The following PLPPR1 variants were observed in gnomAD, a reference collection of about 807,000 sequenced individuals.
PLPPR1 encodes the protein phospholipid phosphatase related 1.
In PLPPR1, 10 loss-of-function variants were observed where a neutral mutation model predicts 33.1. The ratio of observed to expected loss-of-function variants is 0.30; its 90% CI spans 0.19 to 0.51. The LOEUF (loss-of-function observed/expected upper bound fraction) is 0.51, where lower values mean the gene tolerates loss of function less well. Ranked by LOEUF, PLPPR1 falls within the 20% of genes least tolerant of loss-of-function variation. The pLI is 0.97. For synonymous variants in PLPPR1, 151 were observed against 151.0 expected (o/e 1.00, Z 0.00); for missense variants, 304 against 408.1 (o/e 0.74, Z 2.20).
intron 2 of PLPPR1, among the ~76,000 whole-genome samples, chr9:101,226,948 G>A (rs1262955872): frequency 1.3e-5 from 2 of 152,104 alleles, no homozygotes; most frequent in African/African-American, 2.4e-5. Context: ...CTTCTGTGAG[G>A]TAGCGGAACC....
At position 101,287,764 on chromosome 9, in the gene PLPPR1, G is replaced by C. The variant is rs952889714; in HGVS notation, c.385+1528G>C. On this transcript the variant is annotated intron_variant, in intron 4 of 7. Transcript: ENST00000374874. Reference sequence around the variant, plus strand: ...GATCCACCTGCCTCAGCCTCCCAAAGTGCTGGGATTACAGACATGAGCCAC... The same window carrying C: ...GATCCACCTGCCTCAGCCTCCCAAACTGCTGGGATTACAGACATGAGCCAC... Among the ~76,000 whole-genome samples, 8 of 152,134 alleles carry C rather than the reference G, an allele frequency of 5.3e-5. No homozygotes were observed. In the South Asian group the frequency reaches 1.7e-3, roughly 32 times the overall value.
chr9:101,165,368 A>G (rs1825840177), intron 1 of PLPPR1, among the ~76,000 whole-genome samples: 1 of 152,134 alleles, frequency 6.6e-6, no homozygotes, highest in Non-Finnish European at 1.5e-5. Flanking sequence ...TGAATGATTG[A>G]CTGAGTTGAA....
intron 1 of PLPPR1, among the ~76,000 whole-genome samples, chr9:101,097,820 G>C (rs1021669557): frequency 1.3e-5 from 2 of 152,168 alleles, no homozygotes; most frequent in African/African-American, 4.8e-5. Context: ...GCCAGGAAGA[G>C]GTAGGTGGGG....
At chr9:101,059,427 C>T (rs1440843464) in intron 1 of PLPPR1, among the ~76,000 whole-genome samples, 1 of 151,976 alleles carries the variant, frequency 6.6e-6, no homozygotes, top group Non-Finnish European at 1.5e-5. Flanking sequence ...GGTAATTCAC[C>T]AGCCACCTGT....
chr9:101,052,514 A>G (rs1444605465), intron 1 of PLPPR1, among the ~76,000 whole-genome samples: 1 of 152,188 alleles, frequency 6.6e-6, no homozygotes, highest in African/African-American at 2.4e-5. Flanking sequence ...AAGGGCATCT[A>G]GGGCCTCACT....
intron 4 of PLPPR1, among the ~76,000 whole-genome samples, chr9:101,306,458 C>T (rs958278074): frequency 6.6e-5 from 10 of 152,306 alleles, no homozygotes; most frequent in African/African-American, 1.9e-4. Context: ...AAGACTGTCT[C>T]GCCCTCCAGG....
At chr9:101,145,600 C>G (rs546365514) in intron 1 of PLPPR1, among the ~76,000 whole-genome samples, 1 of 151,956 alleles carries the variant, frequency 6.6e-6, no homozygotes, top group Non-Finnish European at 1.5e-5. Context: ...AGGCTAGTCT[C>G]GAACTCCTGA....
intron 1 of PLPPR1, among the ~76,000 whole-genome samples, chr9:101,134,472 T>C (rs1831353637): frequency 6.6e-6 from 1 of 151,704 alleles, no homozygotes; most frequent in Non-Finnish European, 1.5e-5. Flanking sequence ...AACCTCTGCC[T>C]CCTGGGCTCA....
chr9:101,119,486 C>G (rs965398648), intron 1 of PLPPR1, among the ~76,000 whole-genome samples: 10 of 152,182 alleles, frequency 6.6e-5, no homozygotes, highest in African/African-American at 2.4e-4. Context: ...CAGGTATCTG[C>G]ATGTGAGAGT....
chr9:101,312,360 C>T (rs918507483), intron 5 of PLPPR1, among the ~76,000 whole-genome samples: 1 of 152,136 alleles, frequency 6.6e-6, no homozygotes, highest in Non-Finnish European at 1.5e-5. Flanking sequence ...ATAAAATGTA[C>T]GGTCACTTAC....
chr9:101,272,365 G>A (rs1349001835), intron 3 of PLPPR1, among the ~76,000 whole-genome samples: 4 of 152,148 alleles, frequency 2.6e-5, no homozygotes, highest in South Asian at 2.1e-4. Context: ...AAACTTTTCC[G>A]TGCATATTAC....
At chr9:101,057,597 A>G (rs539545740) in intron 1 of PLPPR1, among the ~76,000 whole-genome samples, 1 of 152,314 alleles carries the variant, frequency 6.6e-6, no homozygotes, top group East Asian at 1.9e-4. Context: ...TGAGCCAGGA[A>G]CTATGCTTAG....
At chr9:101,312,234 G>T (rs1311771801) in intron 5 of PLPPR1, among the ~76,000 whole-genome samples, 1 of 152,222 alleles carries the variant, frequency 6.6e-6, no homozygotes, top group Non-Finnish European at 1.5e-5. Context: ...TTTATGTGAT[G>T]CAGTTGTTGG....
At chr9:101,267,253 A>G (rs1828015188) in intron 2 of PLPPR1, among the ~76,000 whole-genome samples, 1 of 152,254 alleles carries the variant, frequency 6.6e-6, no homozygotes, top group African/African-American at 2.4e-5. Flanking sequence ...CAGTAACTTC[A>G]TAGCTTTGAT....
intron 1 of PLPPR1, among the ~76,000 whole-genome samples, chr9:101,107,970 G>A (rs1382716219): frequency 1.5e-4 from 23 of 150,228 alleles, no homozygotes; most frequent in East Asian, 4.0e-4. Context: ...GACCCCTTGC[G>A]CTTCCCAGGT....
intron 3 of PLPPR1, among the ~76,000 whole-genome samples, chr9:101,279,956 C>T (rs1161042140): frequency 1.3e-5 from 2 of 151,934 alleles, no homozygotes; most frequent in Non-Finnish European, 2.9e-5. Context: ...TAATAAAGAT[C>T]AGAGCAGAAA....
chr9:101,256,033 G>T (rs539035870), intron 2 of PLPPR1, among the ~76,000 whole-genome samples: 122 of 152,262 alleles, frequency 8.0e-4, no homozygotes, highest in African/African-American at 2.8e-3. Context: ...GCCAAGTCCA[G>T]TGTTCCATTG....
At chr9:101,313,013 C>T (rs1828986892) in intron 6 of PLPPR1, 39 bp downstream of exon 6, 2 of 1,597,120 alleles carry the variant, frequency 1.3e-6, no homozygotes. Context: ...TCCCCCTCTT[C>T]TACTCTCTGA....
At chr9:101,237,395 A>G (rs917789544) in intron 2 of PLPPR1, among the ~76,000 whole-genome samples, 16 of 151,664 alleles carry the variant, frequency 1.1e-4, no homozygotes, top group African/African-American at 3.9e-4. Context: ...AGTACTATTT[A>G]CAATAGCACA....
Sources: allele counts gnomAD v4.1 joint callset (sites outside exome capture counted in the v4.1 genomes callset), GRCh38; gene constraint gnomAD v4.1.1; transcripts MANE v1.5; gene names NCBI Gene and HGNC (gene_info 2026-07-23, HGNC 2026-07-21).